Variants in CPVL observed in about 807,000 individuals in gnomAD.
The protein encoded by CPVL is carboxypeptidase vitellogenic like.
CPVL carries 51 observed loss-of-function variants against 63.7 expected under a neutral mutation model. That is an observed-to-expected ratio of 0.80 (90% CI 0.64 to 1.01). CPVL has a LOEUF of 1.01. Among genes scored for constraint, CPVL ranks in the 50% least tolerant of loss-of-function variants. The pLI is 0.00. For missense variants in CPVL, 530 were observed against 573.1 expected, an observed-to-expected ratio of 0.92 and a Z score of 0.77; for synonymous variants, 195 against 206.0, an observed-to-expected ratio of 0.95 and a Z score of 0.46.
At chr7:29,023,862 A>G (rs937637973) in intron 12 of CPVL, among the ~76,000 whole-genome samples, 7 of 152,254 alleles carry the variant, frequency 4.6e-5, no homozygotes, top group African/African-American at 1.7e-4. Context: ...ACAAAAGTCA[A>G]TTCAAAAAAT....
At chr7:29,117,090 T>C (rs1388192557) in intron 2 of CPVL, among the ~76,000 whole-genome samples, 6 of 152,202 alleles carry the variant, frequency 3.9e-5, no homozygotes. Context: ...TACCAGATTT[T>C]GAATCAGCCA....
At chr7:29,042,187 A>G (rs145132356) in intron 11 of CPVL, among the ~76,000 whole-genome samples, 1,926 of 152,176 alleles carry the variant, frequency 0.013, 38 homozygotes, top group African/African-American at 0.044. Flanking sequence ...AGCAGCAGAT[A>G]CTCCCATAAT....
chr7:29,131,066 G>C (rs1407594795), intron 1 of CPVL, among the ~76,000 whole-genome samples: 1 of 152,034 alleles, frequency 6.6e-6, no homozygotes, highest in African/African-American at 2.4e-5. Context: ...TTCTTCTTTA[G>C]AATTGCCTCC....
intron 3 of CPVL, among the ~76,000 whole-genome samples, chr7:29,105,864 C>G (rs1787669322): frequency 6.6e-6 from 1 of 152,116 alleles, no homozygotes; most frequent in Non-Finnish European, 1.5e-5. Flanking sequence ...CACTAAGGAA[C>G]AAGGAAATGT....
intron 11 of CPVL, among the ~76,000 whole-genome samples, chr7:29,059,082 A>C (rs1450856275): frequency 6.6e-6 from 1 of 151,960 alleles, no homozygotes; most frequent in Non-Finnish European, 1.5e-5. Flanking sequence ...AAGGCTATTC[A>C]AAAAAAATTT....
intron 6 of CPVL, among the ~76,000 whole-genome samples, chr7:29,088,912 T>A (rs1584228661): frequency 6.6e-6 from 1 of 152,054 alleles, no homozygotes; most frequent in East Asian, 1.9e-4. Flanking sequence ...GAGGCAGAGG[T>A]GGCAGTGAGC....
intron 11 of CPVL, among the ~76,000 whole-genome samples, chr7:29,043,150 G>T (rs1789284557): frequency 6.6e-6 from 1 of 152,104 alleles, no homozygotes; most frequent in South Asian, 2.1e-4. Flanking sequence ...CTCCCTGGTA[G>T]ATAGCAAAGT....
intron 3 of CPVL, among the ~76,000 whole-genome samples, chr7:29,111,668 T>G (rs1028887990): frequency 6.6e-6 from 1 of 152,124 alleles, no homozygotes; most frequent in East Asian, 1.9e-4. Context: ...ACAGGCTGCT[T>G]TGGGGTGAAC....
intron 2 of CPVL, among the ~76,000 whole-genome samples, chr7:29,116,579 C>A (rs1456557221): frequency 6.6e-6 from 1 of 152,202 alleles, no homozygotes; most frequent in Non-Finnish European, 1.5e-5. Context: ...ATGTGACCAA[C>A]AAAGGGCTTG....
chr7:29,171,003 A>G (rs1456887108), intron 5 of CPVL, among the ~76,000 whole-genome samples: 1 of 152,176 alleles, frequency 6.6e-6, no homozygotes, highest in East Asian at 1.9e-4. Flanking sequence ...TCGGAATTCA[A>G]GATGAGATTA....
chr7:29,192,776 A>G (rs1373240186), intron 1 of CPVL: 1 of 152,230 alleles, frequency 6.6e-6, no homozygotes, highest in Non-Finnish European at 1.5e-5. Flanking sequence ...TTCGCAGCTA[A>G]GTGACAGAAC....
At chr7:29,107,442 C>A (rs1200725671) in intron 3 of CPVL, among the ~76,000 whole-genome samples, 1 of 152,198 alleles carries the variant, frequency 6.6e-6, no homozygotes, top group Non-Finnish European at 1.5e-5. Context: ...GGAGCCTTAG[C>A]AATCCACTAG....
chr7:29,089,965 T>A (rs2128602536), intron 6 of CPVL, among the ~76,000 whole-genome samples: 1 of 151,872 alleles, frequency 6.6e-6, no homozygotes, highest in East Asian at 1.9e-4. Flanking sequence ...CAGGTTCAAG[T>A]GATTCTCCTG....
intron 5 of CPVL, among the ~76,000 whole-genome samples, chr7:29,168,378 T>C (rs1796175337): frequency 6.6e-6 from 1 of 152,216 alleles, no homozygotes; most frequent in Non-Finnish European, 1.5e-5. Context: ...TAAATAAAAC[T>C]TTTTATCTTA....
intron 11 of CPVL, among the ~76,000 whole-genome samples, chr7:29,053,825 G>T (rs955816929): frequency 6.6e-6 from 1 of 151,636 alleles, no homozygotes; most frequent in African/African-American, 2.4e-5. Context: ...GGCTGAGGTG[G>T]GAGGATTGCT....
Position 29,092,720 on chromosome 7 carries a change from A to G in CPVL, c.463-18T>C. 1 of 1,568,772 alleles carries G rather than the reference A, an allele frequency of 6.4e-7. No individual in the cohort carries two copies. Among genetic ancestry groups the G allele is most frequent in the Non-Finnish European group, 8.8e-7 (1 of 1,138,800 alleles). ...GTGCCCACCTGCAGGAGAAATAAACACGCAGGTATAAACACAGAGAAACAC... is the reference window on the plus strand; with the variant it reads ...GTGCCCACCTGCAGGAGAAATAAACGCGCAGGTATAAACACAGAGAAACAC... On this transcript the variant is annotated intron_variant, in intron 5 of 12. Transcript: ENST00000265394.
chr7:29,024,118 T>C (rs913021430), intron 12 of CPVL, among the ~76,000 whole-genome samples: 14 of 151,960 alleles, frequency 9.2e-5, no homozygotes, highest in Admixed American at 2.0e-4. Flanking sequence ...ATAATCAGAA[T>C]GAGAAATTCA....
intron 12 of CPVL, among the ~76,000 whole-genome samples, chr7:28,996,909 G>A (rs1000867209): frequency 5.3e-5 from 8 of 152,186 alleles, no homozygotes; most frequent in African/African-American, 1.9e-4. Flanking sequence ...TTTGAGTCAA[G>A]TTAAGATACA....
chr7:29,007,356 T>C (rs521384), intron 12 of CPVL, among the ~76,000 whole-genome samples: 24,135 of 152,068 alleles, frequency 0.16, 1,972 homozygotes, highest in Middle Eastern at 0.24. Context: ...TAAGAAGACT[T>C]TTGGCAAATA....
Sources: allele counts gnomAD v4.1 joint callset (sites outside exome capture counted in the v4.1 genomes callset), GRCh38; gene constraint gnomAD v4.1.1; transcripts MANE v1.5; gene names NCBI Gene and HGNC (gene_info 2026-07-23, HGNC 2026-07-21).